CCDC152: variants seen among roughly 807,000 people sequenced by gnomAD.
CCDC152 encodes the protein coiled-coil domain containing 152, also known as coiled-coil domain-containing protein 152.
In CCDC152, 37 loss-of-function variants were observed where a neutral mutation model predicts 38.1. The ratio of observed to expected loss-of-function variants is 0.97; its 90% confidence interval spans 0.75 to 1.28. CCDC152 has a LOEUF of 1.28. Among genes scored for constraint, CCDC152 ranks in the 50% most tolerant of loss-of-function variants. The probability of loss-of-function intolerance (pLI) is 0.00; values close to 1 mark genes in which losing one functional copy is unlikely to be tolerated. For synonymous variants in CCDC152, 83 were observed against 87.1 expected, an observed-to-expected ratio of 0.95 and a Z score of 0.26; for missense variants, 259 against 292.1, an observed-to-expected ratio of 0.89 and a Z score of 0.83.
intron 3 of CCDC152, among the ~76,000 whole-genome samples, chr5:42,765,967 G>A (rs1003315130): frequency 6.6e-6 from 1 of 152,074 alleles, no homozygotes; most frequent in Non-Finnish European, 1.5e-5. Context: ...TTAACAAAGT[G>A]AAGAGACAAC....
chr5:42,779,561 GGAGATTTATCTTTTCAAATTAGGAAAAAA>G, intron 5 of CCDC152, 39 bp downstream of exon 5: 1 of 1,129,874 alleles, frequency 8.9e-7, no homozygotes, highest in Non-Finnish European at 1.3e-6. Context: ...AAGTCCCTGT[GGAGATTTATCTTTTCAAATTAGGAAAAAA>G]AAAGAGGTTT....
At chr5:42,787,090 C>T (rs951468179) in intron 6 of CCDC152, among the ~76,000 whole-genome samples, 1 of 151,918 alleles carries the variant, frequency 6.6e-6, no homozygotes, top group African/African-American at 2.4e-5. Flanking sequence ...AGACAATGTT[C>T]TATGCACAGA....
rs1441290244 is a variant in CCDC152 at position 42,799,867 on chromosome 5, A to G, written c.*86A>G. On this transcript the variant is annotated 3_prime_UTR_variant, in exon 9 of 9. Coordinates refer to ENST00000361970, the MANE Select transcript of CCDC152 (RefSeq NM_001134848.2). The stretch of plus-strand genomic sequence containing the variant: ...TTTTCAATATATGCATACAGCCTAC[A>G]TAACAAACGAAGTCAGCTTTAAGGT... 2 of 1,382,526 alleles carry G rather than the reference A, an allele frequency of 1.4e-6. No individual in the cohort carries two copies. The highest frequency in any genetic ancestry group is 2.0e-6 in the Non-Finnish European group (2 of 1,013,340). 85.6% of individuals were successfully genotyped at this position (1,382,526 alleles called of 1,614,324 possible).
At chr5:42,798,276 G>A (rs574316583) in intron 7 of CCDC152, among the ~76,000 whole-genome samples, 18 of 151,914 alleles carry the variant, frequency 1.2e-4, no homozygotes, top group African/African-American at 2.7e-4. Context: ...TCATTCTTCC[G>A]TTGCTTCCCC....
intron 3 of CCDC152, among the ~76,000 whole-genome samples, chr5:42,763,333 A>G (rs1055423496): frequency 1.3e-5 from 2 of 152,366 alleles, no homozygotes; most frequent in East Asian, 3.9e-4. Context: ...TAATAAATAA[A>G]CAATTGGGGA....
chr5:42,780,307 A>G (rs982668434), intron 5 of CCDC152, among the ~76,000 whole-genome samples: 2 of 152,164 alleles, frequency 1.3e-5, no homozygotes, highest in Non-Finnish European at 2.9e-5. Flanking sequence ...AATCCTGTAC[A>G]GTAATAAGTA....
intron 6 of CCDC152, among the ~76,000 whole-genome samples, chr5:42,787,677 T>G (rs1214939516): frequency 6.6e-6 from 1 of 152,162 alleles, no homozygotes; most frequent in Non-Finnish European, 1.5e-5. Flanking sequence ...AGGTAATTGC[T>G]GAATTGAAGC....
intron 3 of CCDC152, among the ~76,000 whole-genome samples, chr5:42,769,189 C>T (rs987540323): frequency 2.0e-5 from 3 of 151,346 alleles, no homozygotes; most frequent in Non-Finnish European, 2.9e-5. Flanking sequence ...GCGGAGGTTG[C>T]GTGAGCCGAC....
rs1471415108 is a variant in CCDC152 at position 42,802,011 on chromosome 5, GTAATC to G, written c.*2235_*2239del. 6.6e-6 allele frequency: 1 copy of G among 152,170 alleles called. No individual in the cohort carries two copies. Among genetic ancestry groups the G allele is most frequent in the East Asian group, 1.9e-4 (1 of 5,200 alleles). The allele number at this position is 152,170 out of a possible 1,614,324, so 9.4% of individuals were successfully genotyped here. ...ATCTTATCTAATACTATATGATACTGTAATCTAATATTATCTCTGATAATTCAAAA... is the reference window on the plus strand; with the variant it reads ...ATCTTATCTAATACTATATGATACTGTAATATTATCTCTGATAATTCAAAA... On this transcript the variant is annotated 3_prime_UTR_variant, in exon 9 of 9. Transcript: ENST00000361970.
At chr5:42,757,990 T>C (rs1178045843) in intron 1 of CCDC152, among the ~76,000 whole-genome samples, 1 of 152,188 alleles carries the variant, frequency 6.6e-6, no homozygotes, top group Non-Finnish European at 1.5e-5. Flanking sequence ...TTAATTTTAC[T>C]CCAAAAGGAA....
intron 3 of CCDC152, among the ~76,000 whole-genome samples, chr5:42,766,979 C>T (rs183042359): frequency 6.6e-6 from 1 of 152,228 alleles, no homozygotes; most frequent in Non-Finnish European, 1.5e-5. Flanking sequence ...CCATGATGTG[C>T]TTATTTCACA....
Position 42,762,567 on chromosome 5 carries a change from G to C in CCDC152, c.193+19G>C. ...AAAGAAGGTTAGTTATTTGCTGCCT[G>C]AGGAATGCTAATTCTAATGAAAGTG... On this transcript the variant is annotated intron_variant, in intron 3 of 8. Coordinates refer to ENST00000361970, the MANE Select transcript of CCDC152 (RefSeq NM_001134848.2). 1 of 1,204,912 alleles carries C rather than the reference G, an allele frequency of 8.3e-7. No homozygotes were observed. The highest frequency in any genetic ancestry group is 1.3e-5 in the South Asian group (1 of 76,088). The allele number at this position is 1,204,912 out of a possible 1,614,324, so 74.6% of individuals were successfully genotyped here.
intron 6 of CCDC152, among the ~76,000 whole-genome samples, chr5:42,792,856 G>A (rs966803026): frequency 1.3e-5 from 2 of 152,134 alleles, no homozygotes; most frequent in African/African-American, 2.4e-5. Flanking sequence ...GCAGGAGCTG[G>A]GGCAAGTGAT....
chr5:42,763,226 C>A (rs990399339), intron 3 of CCDC152, among the ~76,000 whole-genome samples: 1 of 152,130 alleles, frequency 6.6e-6, no homozygotes, highest in East Asian at 1.9e-4. Flanking sequence ...GAAAGTGAGA[C>A]AAAAGCCAAC....
chr5:42,779,310 C>G (rs1022151284), intron 4 of CCDC152, 148 bp from the exon 5 acceptor site: 17 of 584,688 alleles, frequency 2.9e-5, no homozygotes, highest in Non-Finnish European at 4.7e-5. Flanking sequence ...TTCATATTCT[C>G]AGTGTCTAGC....
At chr5:42,799,550 G>GGTATTTTTTAA in intron 8 of CCDC152, 92 bp downstream of exon 8, 1 of 1,162,844 alleles carries the variant, frequency 8.6e-7, no homozygotes, top group Non-Finnish European at 1.2e-6. Context: ...AACAATATAA[G>GGTATTTTTTAA]GTATTTTTTA....
At chr5:42,761,035 A>G (rs775438641) in intron 2 of CCDC152, among the ~76,000 whole-genome samples, 2 of 152,242 alleles carry the variant, frequency 1.3e-5, no homozygotes, top group Admixed American at 6.5e-5. Context: ...AGATGAAATA[A>G]CATAATGTCA....
At chr5:42,771,510 A>G (rs1263214745) in intron 4 of CCDC152, among the ~76,000 whole-genome samples, 1 of 152,024 alleles carries the variant, frequency 6.6e-6, no homozygotes, top group East Asian at 1.9e-4. Context: ...AAATAAACTA[A>G]ATTGACAAAT....
intron 6 of CCDC152, among the ~76,000 whole-genome samples, chr5:42,792,769 C>T (rs1760021399): frequency 6.6e-6 from 1 of 152,142 alleles, no homozygotes; most frequent in Admixed American, 6.5e-5. Context: ...AGTAGTATTC[C>T]TTCCATACCC....
Sources: gnomAD v4.1 joint callset for allele counts (sites outside exome capture counted in the v4.1 genomes callset) on GRCh38, gnomAD v4.1.1 for gene constraint, MANE v1.5 for transcripts, NCBI Gene and HGNC (gene_info 2026-07-23, HGNC 2026-07-21) for gene names.